LSM11: variants seen among roughly 807,000 people sequenced by gnomAD.
LSM11 encodes U7 snRNA-associated Sm-like protein LSm11.
Under a neutral mutation model 28.1 loss-of-function variants are expected in LSM11, and 14 were observed. The observed-to-expected ratio is 0.50, with a 90% CI of 0.33 to 0.78. The LOEUF is 0.78. Among genes scored for constraint, LSM11 ranks in the 30% least tolerant of loss-of-function variants. LSM11 has a pLI of 0.02. For synonymous variants in LSM11, 207 were observed against 214.2 expected (o/e 0.97, Z 0.30); for missense variants, 495 against 510.6 (o/e 0.97, Z 0.30).
At position 157,744,076 on chromosome 5, in the gene LSM11, G is replaced by A. The variant is rs867924450; in HGVS notation, c.326G>A (p.Arg109His). Reference sequence around the variant, plus strand: ...GACGCGCCCGCCCCGGACCCCGAGCGCATCCAGCGCCTCCGCCGTCTCATG... The same window carrying A: ...GACGCGCCCGCCCCGGACCCCGAGCACATCCAGCGCCTCCGCCGTCTCATG... ...RPDAPAPDPE[R>H]IQRLRRLMVA... The change falls in exon 1 of 4, where the codon CGC becomes CAC. Residue 109 changes from arginine to histidine, a missense_variant. Arg to His is a conservative substitution (Grantham distance 29). Transcript: ENST00000286307. The A allele has an allele frequency of 1.4e-6, 2 of 1,476,670 alleles. No homozygotes were observed. Among genetic ancestry groups the A allele is most frequent in the Admixed American group, 2.2e-5 (1 of 45,186 alleles). The allele number at this position is 1,476,670 out of a possible 1,614,324, so 91.5% of individuals were successfully genotyped here.
rs750451781 is a variant in LSM11 at position 157,744,209 on chromosome 5, G to A, written c.448+11G>A. 4 of 1,262,242 alleles carry A rather than the reference G, an allele frequency of 3.2e-6. No individual in the cohort carries two copies. In the South Asian group the frequency reaches 1.1e-4, roughly 36 times the overall value. The allele number at this position is 1,262,242 out of a possible 1,614,324, so 78.2% of individuals were successfully genotyped here. A position where few individuals can be genotyped will look rare whatever the true frequency, so the allele number is the denominator to read the frequency against. ...TCACGCGAATGCCCTGTGAGTCCGC[G>A]GGCCGGGCGGGAAGCGGGGCAGCCG... On this transcript the variant is annotated intron_variant, in intron 1 of 3. Coordinates refer to ENST00000286307, the MANE Select transcript of LSM11 (RefSeq NM_173491.4).
At position 157,758,604 on chromosome 5, in the gene LSM11, G is replaced by C. The variant is rs1033720107; in HGVS notation, c.*3340G>C. ...GGGGAACTCCCACTAGCTCACCTGA[G>C]GGGGGCTCGATGCAGCTGAAATACT... is the stretch of plus-strand genomic sequence containing the variant. On this transcript the variant is annotated 3_prime_UTR_variant, in exon 4 of 4. Coordinates refer to ENST00000286307, the MANE Select transcript of LSM11 (RefSeq NM_173491.4). 2 of 152,146 alleles carry C rather than the reference G, an allele frequency of 1.3e-5. No homozygotes were observed. Among genetic ancestry groups the C allele is most frequent in the Non-Finnish European group, 2.9e-5 (2 of 68,034 alleles). The allele number at this position is 152,146 out of a possible 1,614,324, so 9.4% of individuals were successfully genotyped here. A position where few individuals can be genotyped will look rare whatever the true frequency, so the allele number is the denominator to read the frequency against.
intron 1 of LSM11, among the ~76,000 whole-genome samples, chr5:157,750,063 G>C (rs1761207019): frequency 6.6e-6 from 1 of 152,172 alleles, no homozygotes; most frequent in Non-Finnish European, 1.5e-5. Flanking sequence ...TTGCAAACTT[G>C]GGAAAGAGTG....
Position 157,751,457 on chromosome 5 carries a change from C to T in LSM11, c.516C>T (p.His172=), listed in dbSNP as rs755222556. ...GTGAGGGGGTGAAGGTGAATGTTCA[C>T]ATCCGCACTTTCAAGGGACTTCGGG... ...CIREGVKVNV[H]IRTFKGLRGV... Residue 172 remains histidine, a synonymous_variant, in exon 2 of 4, where the codon CAC becomes CAT. Coordinates refer to ENST00000286307, the MANE Select transcript of LSM11 (RefSeq NM_173491.4). The T allele has an allele frequency of 1.9e-6, 3 of 1,613,048 alleles. No individual in the cohort carries two copies. Among genetic ancestry groups the T allele is most frequent in the East Asian group, 2.2e-5 (1 of 44,876 alleles).
rs1447012946 is a variant in LSM11 at position 157,760,358 on chromosome 5, TAGTA to T, written c.*5097_*5100del. On this transcript the variant is annotated 3_prime_UTR_variant, in exon 4 of 4. Transcript: ENST00000286307. The stretch of plus-strand genomic sequence containing the variant: ...TCTGTTGTCCTGACAGTAAAGCAAA[TAGTA>T]AGCCATGTCTTGAAAGTGATTTGCT... 6.6e-6 allele frequency: 1 copy of T among 152,216 alleles called. No individual in the cohort carries two copies. Among genetic ancestry groups the T allele is most frequent in the East Asian group, 1.9e-4 (1 of 5,202 alleles). 9.4% of individuals were successfully genotyped at this position (152,216 alleles called of 1,614,324 possible).
At chr5:157,745,522 G>A (rs1034138388) in intron 1 of LSM11, among the ~76,000 whole-genome samples, 3 of 152,118 alleles carry the variant, frequency 2.0e-5, no homozygotes, top group Non-Finnish European at 4.4e-5. Flanking sequence ...GCCACCATTA[G>A]GTAGTTGAAA....
Position 157,751,061 on chromosome 5 carries a change from C to T in LSM11, c.449-329C>T, listed in dbSNP as rs562196963. ...CATCCCAAAGTGCTGGGATTACAGA[C>T]GTGAGCCACCACGCCCGGCCAACCC... On this transcript the variant is annotated intron_variant, in intron 1 of 3. Coordinates refer to ENST00000286307, the MANE Select transcript of LSM11 (RefSeq NM_173491.4). Among the ~76,000 whole-genome samples, 27 of 152,258 alleles carry T rather than the reference C, an allele frequency of 1.8e-4. No individual in the cohort carries two copies. The South Asian group carries it at 2.3e-3, about 13-fold the overall frequency.
rs895260175 is a variant in LSM11, at chr5:157,755,824, G to C, written c.*560G>C. On this transcript the variant is annotated 3_prime_UTR_variant, in exon 4 of 4. Coordinates refer to ENST00000286307, the MANE Select transcript of LSM11 (RefSeq NM_173491.4). ...AGGAAAGTTACCAACTTATGTAGGG[G>C]TGAAATTTGGATAGGCGGTATGCTC... 1.0e-5 allele frequency: 4 copies of C among 400,290 alleles called. No individual in the cohort carries two copies. Among genetic ancestry groups the C allele is most frequent in the Non-Finnish European group, 1.8e-5 (4 of 227,502 alleles). The allele number at this position is 400,290 out of a possible 1,614,324, so 24.8% of individuals were successfully genotyped here. A position where few individuals can be genotyped will look rare whatever the true frequency, so the allele number is the denominator to read the frequency against.
rs769716267 is a variant in LSM11 at position 157,754,825 on chromosome 5, G to T, written c.673-29G>T. The T allele has an allele frequency of 3.1e-6, 5 of 1,587,406 alleles. No individual in the cohort carries two copies. In the Admixed American group the frequency reaches 5.1e-5, roughly 16 times the overall value. On this transcript the variant is annotated intron_variant, in intron 3 of 3. Transcript: ENST00000286307. ...GAGGGTGATGAAGGCTAAAGAGAAG[G>T]CTAATATTTATCATTGTTTGCTTTA...
At chr5:157,744,735 G>A (rs769292154) in intron 1 of LSM11, among the ~76,000 whole-genome samples, 2 of 152,170 alleles carry the variant, frequency 1.3e-5, no homozygotes, top group Non-Finnish European at 2.9e-5. Context: ...GGGATTTGAG[G>A]ATGATCGGAT....
intron 1 of LSM11, among the ~76,000 whole-genome samples, chr5:157,750,084 C>T (rs895101103): frequency 2.6e-5 from 4 of 151,952 alleles, no homozygotes; most frequent in East Asian, 1.9e-4. Context: ...AGACTGTGTA[C>T]GCACGAGAAA....
chr5:157,751,395 G>A lies in LSM11; in HGVS notation c.454G>A (p.Glu152Lys), dbSNP rs748728707. ...CTGTTCTTCTCTTGTTTCAGTGCAC[G>A]AAGGCAGCCCTCTGGGTGAACTCCA... Reference protein sequence around the residue: ...RNVLTRMPLHEGSPLGELHRC... With the variant: ...RNVLTRMPLHKGSPLGELHRC... The change falls in exon 2 of 4, where the codon GAA becomes AAA. Residue 152 changes from glutamate to lysine, a missense_variant. Transcript: ENST00000286307. 4.4e-6 allele frequency: 7 copies of A among 1,586,588 alleles called. No individual in the cohort carries two copies. In the Admixed American group the frequency reaches 7.6e-5, roughly 17 times the overall value.
intron 1 of LSM11, among the ~76,000 whole-genome samples, chr5:157,744,981 A>G (rs1761125040): frequency 6.6e-6 from 1 of 152,226 alleles, no homozygotes; most frequent in South Asian, 2.1e-4. Context: ...TGTCAGGCTC[A>G]TATTACCATA....
intron 1 of LSM11, chr5:157,747,628 G>C (rs1282649623): frequency 5.0e-6 from 1 of 198,910 alleles, no homozygotes; most frequent in Non-Finnish European, 1.1e-5. Context: ...TTTGATTGCT[G>C]AAATAATTTC....
Position 157,751,492 on chromosome 5 carries a change from C to T in LSM11, c.551C>T (p.Thr184Ile). The T allele has an allele frequency of 6.2e-7, 1 of 1,612,778 alleles. No individual in the cohort carries two copies. The highest frequency in any genetic ancestry group is 8.5e-7 in the Non-Finnish European group (1 of 1,179,604). Residue 184 changes from threonine (T) to isoleucine (I), a missense_variant, in exon 2 of 4, where the codon ACA (threonine) becomes ATA (isoleucine). Transcript: ENST00000286307. ...RTFKGLRGVC[T>I]GFLVAFDKFW... ...TTCAAGGGACTTCGGGGCGTCTGTA[C>T]AGGCTTCCTTGTTGCATTCGACAAG...
At chr5:157,745,539 C>T (rs1761134367) in intron 1 of LSM11, among the ~76,000 whole-genome samples, 1 of 152,166 alleles carries the variant, frequency 6.6e-6, no homozygotes, top group Admixed American at 6.5e-5. Flanking sequence ...GAAATGCACT[C>T]CAAGTCTCAT....
intron 1 of LSM11, 142 bp downstream of exon 1, chr5:157,744,340 C>A: frequency 1.8e-6 from 1 of 559,558 alleles, no homozygotes; most frequent in Non-Finnish European, 2.7e-6. Context: ...CGGGGATCAT[C>A]AGTGACTATG....
Position 157,755,089 on chromosome 5 carries a change from G to A in LSM11, c.908G>A (p.Arg303Gln), listed in dbSNP as rs771232721. ...TCAGAGCTGTCAGGGAGGACTACAC[G>A]GACAGACGGCTCCAGTGTGGGAGGT... Reference protein sequence around the residue: ...SRSELSGRTTRTDGSSVGGTF... With the variant: ...SRSELSGRTTQTDGSSVGGTF... Residue 303 changes from arginine to glutamine, a missense_variant, in exon 4 of 4, where the codon CGG becomes CAG. Transcript: ENST00000286307. 9 of 1,614,176 alleles carry A rather than the reference G, an allele frequency of 5.6e-6. No homozygotes were observed. The Admixed American group carries it at 8.3e-5, about 15-fold the overall frequency.
rs1442688805 is a variant in LSM11, at chr5:157,759,550, A to AT, written c.*4292dup. On this transcript the variant is annotated 3_prime_UTR_variant, in exon 4 of 4. Coordinates refer to ENST00000286307, the MANE Select transcript of LSM11 (RefSeq NM_173491.4). ...CCCAAAGCTTTCCAATCTTTTATGTATTTTTTGTGAATGAAACTGTTGCTG... is the reference window on the plus strand; with the variant it reads ...CCCAAAGCTTTCCAATCTTTTATGTATTTTTTTGTGAATGAAACTGTTGCTG... 2 of 152,140 alleles carry AT rather than the reference A, an allele frequency of 1.3e-5. No homozygotes were observed. The highest frequency in any genetic ancestry group is 6.5e-5 in the Admixed American group (1 of 15,270). 9.4% of individuals were successfully genotyped at this position (152,140 alleles called of 1,614,324 possible). A position where few individuals can be genotyped will look rare whatever the true frequency, so the allele number is the denominator to read the frequency against.
Sources: allele counts gnomAD v4.1 joint callset (sites outside exome capture counted in the v4.1 genomes callset), GRCh38; gene constraint gnomAD v4.1.1; transcripts MANE v1.5; gene names NCBI Gene and HGNC (gene_info 2026-07-23, HGNC 2026-07-21).